Variants in PCDH9 observed in about 807,000 individuals in gnomAD.
The protein encoded by PCDH9 is protocadherin 9.
Under a neutral mutation model 70.6 loss-of-function variants are expected in PCDH9, and 24 were observed. The observed-to-expected ratio is 0.34, with a 90% CI of 0.25 to 0.48. PCDH9 has a LOEUF of 0.48. Among genes scored for constraint, PCDH9 ranks in the 20% least tolerant of loss-of-function variants. The probability of loss-of-function intolerance (pLI) is 0.99; values close to 1 mark genes in which losing one functional copy is unlikely to be tolerated. For synonymous variants in PCDH9, 562 were observed against 558.5 expected (o/e 1.01, Z -0.09); for missense variants, 1,281 against 1,503.6 (o/e 0.85, Z 2.45).
intron 4 of PCDH9, among the ~76,000 whole-genome samples, chr13:66,363,349 T>A (rs907920639): frequency 2.0e-5 from 3 of 152,084 alleles, no homozygotes; most frequent in African/African-American, 7.2e-5. Flanking sequence ...ATCTTTTTAG[T>A]TTTTTTGGCA....
intron 4 of PCDH9, among the ~76,000 whole-genome samples, chr13:66,564,831 A>T (rs1321186400): frequency 1.3e-5 from 2 of 151,886 alleles, no homozygotes; most frequent in Non-Finnish European, 2.9e-5. Flanking sequence ...TACAAAATTA[A>T]ACTCACTCAG....
intron 2 of PCDH9, among the ~76,000 whole-genome samples, chr13:66,944,817 C>CTGTGTGTG (rs67182136): frequency 0.068 from 9,162 of 135,254 alleles, 453 homozygotes; most frequent in African/African-American, 0.13. Context: ...CTAATCGTCT[C>CTGTGTGTG]TGTGTGTGTG....
chr13:66,815,477 T>C (rs1475006311), intron 3 of PCDH9, among the ~76,000 whole-genome samples: 1 of 152,146 alleles, frequency 6.6e-6, no homozygotes, highest in Non-Finnish European at 1.5e-5. Context: ...CACAGGTAGA[T>C]TCATTGCAGA....
chr13:66,485,460 C>T (rs1958920700), intron 4 of PCDH9, among the ~76,000 whole-genome samples: 1 of 152,044 alleles, frequency 6.6e-6, no homozygotes. Flanking sequence ...ATGTATATAC[C>T]TACATCAGTC....
At chr13:66,429,507 A>G (rs1957733637) in intron 4 of PCDH9, among the ~76,000 whole-genome samples, 3 of 151,038 alleles carry the variant, frequency 2.0e-5, no homozygotes, top group Non-Finnish European at 4.4e-5. Context: ...CAGAACATTT[A>G]TGCCAGAATA....
chr13:66,458,990 T>C (rs1207575149), intron 4 of PCDH9, among the ~76,000 whole-genome samples: 2 of 151,904 alleles, frequency 1.3e-5, no homozygotes, highest in Admixed American at 6.6e-5. Flanking sequence ...GAAAGCAATA[T>C]GTTTTGGAGT....
chr13:66,700,905 T>C (rs1353843117), intron 3 of PCDH9, among the ~76,000 whole-genome samples: 1 of 135,706 alleles, frequency 7.4e-6, no homozygotes, highest in Admixed American at 7.9e-5. Context: ...TATATGAAAA[T>C]ATATGTGTGT....
At chr13:66,674,079 A>T (rs9317601) in intron 3 of PCDH9, among the ~76,000 whole-genome samples, 113,878 of 151,792 alleles carry the variant, frequency 0.75, 42,936 homozygotes, top group East Asian at 0.92. Flanking sequence ...TCACATAAAG[A>T]GGGGAGTTAA....
intron 2 of PCDH9, chr13:67,213,201 C>T (rs758397470): frequency 2.5e-4 from 13 of 53,032 alleles, no homozygotes; most frequent in East Asian, 9.5e-4. Context: ...ACAGAGACTC[C>T]GTCACAAAAA....
intron 2 of PCDH9, among the ~76,000 whole-genome samples, chr13:67,087,276 C>T (rs1400252044): frequency 6.6e-6 from 1 of 151,864 alleles, no homozygotes; most frequent in Non-Finnish European, 1.5e-5. Context: ...GACATGTGTG[C>T]TAAAAACTCT....
At chr13:66,418,580 C>G (rs1957503534) in intron 4 of PCDH9, among the ~76,000 whole-genome samples, 1 of 152,110 alleles carries the variant, frequency 6.6e-6, no homozygotes. Flanking sequence ...CTCTGGGACA[C>G]AGCTAAATCA....
intron 4 of PCDH9, among the ~76,000 whole-genome samples, chr13:66,507,227 G>A (rs1959233383): frequency 6.6e-6 from 1 of 152,020 alleles, no homozygotes; most frequent in Non-Finnish European, 1.5e-5. Flanking sequence ...CTCTTATAAG[G>A]AAAGTGAAAT....
At chr13:66,397,497 C>T (rs1215469213) in intron 4 of PCDH9, among the ~76,000 whole-genome samples, 1 of 148,364 alleles carries the variant, frequency 6.7e-6, no homozygotes, top group East Asian at 2.0e-4. Flanking sequence ...TATATGTATA[C>T]ACACACAAAA....
At chr13:66,630,655 C>G (rs1438384625) in intron 4 of PCDH9, 1 of 151,952 alleles carries the variant, frequency 6.6e-6, no homozygotes, top group Non-Finnish European at 1.5e-5. Context: ...GAAAAACAAC[C>G]CCCAAATTGT....
chr13:66,405,219 T>G (rs1232238156), intron 4 of PCDH9, among the ~76,000 whole-genome samples: 1 of 152,210 alleles, frequency 6.6e-6, no homozygotes, highest in Non-Finnish European at 1.5e-5. Context: ...TTAAACACTC[T>G]GCTTATCACT....
intron 4 of PCDH9, among the ~76,000 whole-genome samples, chr13:66,439,034 A>C (rs1957928175): frequency 6.6e-6 from 1 of 152,212 alleles, no homozygotes; most frequent in Non-Finnish European, 1.5e-5. Flanking sequence ...TTCCAAGATA[A>C]TGAAAAAACA....
intron 2 of PCDH9, among the ~76,000 whole-genome samples, chr13:66,980,939 G>A (rs988041827): frequency 1.3e-5 from 2 of 151,736 alleles, no homozygotes; most frequent in African/African-American, 4.8e-5. Context: ...ATTCCAAGCT[G>A]TTTTATAAGC....
intron 4 of PCDH9, among the ~76,000 whole-genome samples, chr13:66,630,298 T>A (rs1402016061): frequency 6.6e-6 from 1 of 152,158 alleles, no homozygotes; most frequent in East Asian, 1.9e-4. Flanking sequence ...CACACATGCA[T>A]AGCTTTCCCC....
chr13:66,942,002 C>T (rs181862382), intron 2 of PCDH9, among the ~76,000 whole-genome samples: 8 of 151,770 alleles, frequency 5.3e-5, no homozygotes, highest in Admixed American at 2.0e-4. Context: ...TAAAAATCAG[C>T]GACAGAAGGA....
Sources: gnomAD v4.1 joint callset for allele counts (sites outside exome capture counted in the v4.1 genomes callset) on GRCh38, gnomAD v4.1.1 for gene constraint, MANE v1.5 for transcripts, NCBI Gene and HGNC (gene_info 2026-07-23, HGNC 2026-07-21) for gene names.